Variants in WDPCP observed in about 807,000 individuals in gnomAD.
WDPCP encodes the protein WD repeat containing planar cell polarity effector.
Under a neutral mutation model 93.1 loss-of-function variants are expected in WDPCP, and 71 were observed. The observed-to-expected ratio is 0.76, with a 90% CI of 0.63 to 0.93. WDPCP has a LOEUF of 0.93. WDPCP is among the 40% of genes least tolerant of loss of function. The pLI is 0.00. For synonymous variants in WDPCP, 315 were observed against 315.0 expected (o/e 1.00, Z 0.00); for missense variants, 844 against 887.4 (o/e 0.95, Z 0.62).
intron 15 of WDPCP, among the ~76,000 whole-genome samples, chr2:63,154,760 G>T (rs1041519427): frequency 2.0e-4 from 30 of 152,032 alleles, no homozygotes; most frequent in Non-Finnish European, 4.3e-4. Flanking sequence ...CATTTCATGC[G>T]ACAATGAATG....
At position 63,247,103 on chromosome 2, in the gene WDPCP, T is replaced by G. The variant is rs10199770; in HGVS notation, c.1915+12204A>C. Among the ~76,000 whole-genome samples, 280 of 152,232 alleles carry G rather than the reference T, an allele frequency of 1.8e-3. 1 individual carries two copies. The highest frequency in any genetic ancestry group is 6.2e-3 in the African/African-American group (259 of 41,558). Reference sequence around the variant, plus strand: ...AGGCAGATAACTCTAAAGGAAACACTTCAAAATGCCATCGAACAGGATTCC... The same window carrying G: ...AGGCAGATAACTCTAAAGGAAACACGTCAAAATGCCATCGAACAGGATTCC... On this transcript the variant is annotated intron_variant, in intron 14 of 17. Transcript: ENST00000272321.
At chr2:63,382,173 A>G in intron 10 of WDPCP, 79 bp from the exon 11 acceptor site, 1 of 1,417,322 alleles carries the variant, frequency 7.1e-7, no homozygotes, top group Non-Finnish European at 9.6e-7. Flanking sequence ...TTCCATAAAG[A>G]AAAAAACCTA....
At chr2:63,245,631 A>G (rs1048292073) in intron 14 of WDPCP, among the ~76,000 whole-genome samples, 1 of 152,204 alleles carries the variant, frequency 6.6e-6, no homozygotes, top group Admixed American at 6.6e-5. Flanking sequence ...TCAGTATTGC[A>G]GTGAACACAT....
At chr2:63,267,711 T>G (rs1316770118) in intron 13 of WDPCP, among the ~76,000 whole-genome samples, 1 of 152,054 alleles carries the variant, frequency 6.6e-6, no homozygotes, top group Non-Finnish European at 1.5e-5. Flanking sequence ...TGCCAACAGA[T>G]ACATGAAAAA....
At chr2:63,382,175 A>T in intron 10 of WDPCP, 81 bp from the exon 11 acceptor site, 1 of 1,395,340 alleles carries the variant, frequency 7.2e-7, no homozygotes, top group Non-Finnish European at 9.8e-7. Flanking sequence ...CCATAAAGAA[A>T]AAAACCTATA....
At chr2:63,372,301 T>G (rs759490912) in intron 12 of WDPCP, among the ~76,000 whole-genome samples, 8 of 152,168 alleles carry the variant, frequency 5.3e-5, no homozygotes, top group Non-Finnish European at 1.0e-4. Flanking sequence ...AAATACCTCC[T>G]ACCAAGCCCC....
chr2:63,191,348 C>T (rs910766893), intron 14 of WDPCP, among the ~76,000 whole-genome samples: 1 of 151,972 alleles, frequency 6.6e-6, no homozygotes, highest in Non-Finnish European at 1.5e-5. Flanking sequence ...GCTGAGATTG[C>T]ACCACTGCAC....
chr2:63,214,365 C>T (rs950797763), intron 14 of WDPCP, among the ~76,000 whole-genome samples: 3 of 152,148 alleles, frequency 2.0e-5, no homozygotes, highest in Admixed American at 6.5e-5. Flanking sequence ...GAACCAAAGA[C>T]AAAAACCACA....
chr2:63,810,570 G>A (rs1442241753), intron 2 of WDPCP, among the ~76,000 whole-genome samples: 1 of 152,154 alleles, frequency 6.6e-6, no homozygotes, highest in Non-Finnish European at 1.5e-5. Flanking sequence ...GAACCAGGAA[G>A]CAAGCTATAA....
rs555068372 is a variant in WDPCP at position 63,392,702 on chromosome 2, C to A, written c.1436-10608G>T. Among the ~76,000 whole-genome samples, 77 of 152,244 alleles carry A rather than the reference C, an allele frequency of 5.1e-4. 1 individual carries two copies. Among genetic ancestry groups the A allele is most frequent in the South Asian group, 3.5e-3 (17 of 4,820 alleles). ...AATAAATTTACAAGAAAAAAACAAA[C>A]AACCCCATCAAAAAGTGGGCAAAGC... On this transcript the variant is annotated intron_variant, in intron 10 of 17. Coordinates refer to ENST00000272321, the MANE Select transcript of WDPCP (RefSeq NM_015910.7).
intron 3 of WDPCP, among the ~76,000 whole-genome samples, chr2:63,607,903 T>C (rs958696152): frequency 2.0e-5 from 3 of 151,584 alleles, no homozygotes; most frequent in African/African-American, 7.3e-5. Context: ...GAGATAGATA[T>C]ATATACATTT....
At chr2:63,320,686 A>G (rs748702582) in intron 12 of WDPCP, among the ~76,000 whole-genome samples, 2 of 152,146 alleles carry the variant, frequency 1.3e-5, no homozygotes, top group Non-Finnish European at 2.9e-5. Flanking sequence ...AAAACAGTGC[A>G]AGTAGGTATG....
chr2:63,342,710 T>TA (rs1688932464), intron 12 of WDPCP, among the ~76,000 whole-genome samples: 1 of 152,238 alleles, frequency 6.6e-6, no homozygotes, highest in African/African-American at 2.4e-5. Context: ...CCCATTTACA[T>TA]AGGTTTTAAT....
At chr2:63,584,291 A>C (rs552851043) in intron 1 of WDPCP, among the ~76,000 whole-genome samples, 1 of 152,340 alleles carries the variant, frequency 6.6e-6, no homozygotes, top group African/African-American at 2.4e-5. Flanking sequence ...AATTCTGATT[A>C]ATCATTCCTC....
At chr2:63,437,362 G>C (rs1697202466) in intron 8 of WDPCP, 59 bp downstream of exon 8, 1 of 1,316,758 alleles carries the variant, frequency 7.6e-7, no homozygotes, top group Non-Finnish European at 1.0e-6. Context: ...ACCAACTTAT[G>C]TGATACTCTC....
chr2:63,785,820 G>A, intron 2 of WDPCP, among the ~76,000 whole-genome samples: 1 of 152,090 alleles, frequency 6.6e-6, no homozygotes, highest in Non-Finnish European at 1.5e-5. Flanking sequence ...TGTGCAGCAA[G>A]ACAAAGATAT....
At chr2:63,467,727 G>A (rs1379260546) in intron 6 of WDPCP, among the ~76,000 whole-genome samples, 2 of 132,384 alleles carry the variant, frequency 1.5e-5, no homozygotes, top group African/African-American at 5.8e-5. Context: ...AGTGAGCGAA[G>A]ATTGTGCCAC....
intron 12 of WDPCP, among the ~76,000 whole-genome samples, chr2:63,322,634 C>T (rs1341679445): frequency 2.0e-5 from 3 of 152,100 alleles, no homozygotes; most frequent in Non-Finnish European, 4.4e-5. Context: ...AAAGTCTGGA[C>T]ATGTCTGAAC....
rs1553411029 is a variant in WDPCP, at chr2:63,494,287, T to TGATGACGACGAC, written c.76-1348_76-1347insGTCGTCGTCATC. ...CACCAGATGATGATGATGATGATGATGACGACGACGACGACAATGATGATG... is the reference window on the plus strand; with the variant it reads ...CACCAGATGATGATGATGATGATGATGATGACGACGACGACGACGACGACGACAATGATGATG... On this transcript the variant is annotated intron_variant, in intron 1 of 17. Coordinates refer to ENST00000272321, the MANE Select transcript of WDPCP (RefSeq NM_015910.7). 5.9e-4 allele frequency among the ~76,000 whole-genome samples: 89 copies of TGATGACGACGAC among 150,444 alleles called. 2 individuals carry two copies. Among genetic ancestry groups the TGATGACGACGAC allele is most frequent in the Admixed American group, 1.7e-3 (26 of 15,150 alleles).
Sources: gnomAD v4.1 joint callset for allele counts (sites outside exome capture counted in the v4.1 genomes callset) on GRCh38, gnomAD v4.1.1 for gene constraint, MANE v1.5 for transcripts, NCBI Gene and HGNC (gene_info 2026-07-23, HGNC 2026-07-21) for gene names.